WDR41: variants seen among roughly 807,000 people sequenced by gnomAD.
WDR41 encodes the protein WD repeat-containing protein 41.
WDR41 carries 63 observed loss-of-function variants against 69.3 expected under a neutral mutation model. The observed-to-expected ratio is 0.91, with a 90% CI of 0.74 to 1.12. The LOEUF is 1.12. WDR41 is among the 50% of genes most tolerant of loss of function. The pLI is 0.00. For missense variants in WDR41, 543 were observed against 534.5 expected (o/e 1.02, Z -0.16); for synonymous variants, 185 against 192.1 (o/e 0.96, Z 0.31).
At chr5:77,555,922 A>C (rs777615756) in intron 1 of WDR41, among the ~76,000 whole-genome samples, 23 of 152,092 alleles carry the variant, frequency 1.5e-4, no homozygotes, top group Non-Finnish European at 2.1e-4. Context: ...CTGAAGAAGA[A>C]AAACAGAAGG....
chr5:77,532,779 A>G (rs1742881561), intron 1 of WDR41, among the ~76,000 whole-genome samples: 1 of 152,152 alleles, frequency 6.6e-6, no homozygotes, highest in Admixed American at 6.6e-5. Context: ...TATACAGTAA[A>G]TATGAATTAT....
intron 5 of WDR41, among the ~76,000 whole-genome samples, chr5:77,457,733 T>C (rs1407248179): frequency 6.7e-6 from 1 of 148,846 alleles, no homozygotes; most frequent in Non-Finnish European, 1.5e-5. Context: ...ATTTCTCATA[T>C]TAGGGATATA....
intron 1 of WDR41, among the ~76,000 whole-genome samples, chr5:77,549,059 C>T (rs898427252): frequency 6.6e-6 from 1 of 150,960 alleles, no homozygotes; most frequent in Non-Finnish European, 1.5e-5. Context: ...CGTATGTTCT[C>T]GCTTATAGTG....
intron 1 of WDR41, among the ~76,000 whole-genome samples, chr5:77,619,385 A>C (rs909132358): frequency 6.6e-6 from 1 of 152,078 alleles, no homozygotes; most frequent in Admixed American, 6.5e-5. Context: ...CCTGAATCTG[A>C]TTCTCCCCAC....
intron 1 of WDR41, among the ~76,000 whole-genome samples, chr5:77,561,213 T>C (rs9632417): frequency 0.024 from 3,584 of 152,266 alleles, 48 homozygotes; most frequent in Non-Finnish European, 0.035. Flanking sequence ...CCTCCTCCCA[T>C]ATCAGTGTGA....
At chr5:77,581,498 C>T (rs6883749) in intron 1 of WDR41, among the ~76,000 whole-genome samples, 10 of 152,072 alleles carry the variant, frequency 6.6e-5, no homozygotes, top group African/African-American at 2.2e-4. Flanking sequence ...CTCTATAAAC[C>T]AACTACACAT....
intron 1 of WDR41, among the ~76,000 whole-genome samples, chr5:77,594,049 T>C (rs187165006): frequency 1.1e-3 from 166 of 152,192 alleles, no homozygotes; most frequent in African/African-American, 3.8e-3. Flanking sequence ...TAGATAGATA[T>C]AATTTTCAGG....
intron 2 of WDR41, among the ~76,000 whole-genome samples, chr5:77,465,940 G>A (rs1800286641): frequency 6.6e-6 from 1 of 151,864 alleles, no homozygotes; most frequent in Non-Finnish European, 1.5e-5. Flanking sequence ...CTTATCTTCA[G>A]TTTCAAAGTT....
chr5:77,545,612 T>C, intron 1 of WDR41: 1 of 359,296 alleles, frequency 2.8e-6, no homozygotes, highest in Non-Finnish European at 5.1e-6. Flanking sequence ...TCCCTGGAGA[T>C]CTATCTCTTC....
At chr5:77,513,198 C>G (rs1175939241) in intron 1 of WDR41, among the ~76,000 whole-genome samples, 1 of 152,070 alleles carries the variant, frequency 6.6e-6, no homozygotes, top group Non-Finnish European at 1.5e-5. Flanking sequence ...GTGTTAACTT[C>G]TGTTTAATGA....
chr5:77,540,880 A>G (rs1743076451), intron 1 of WDR41, among the ~76,000 whole-genome samples: 1 of 152,202 alleles, frequency 6.6e-6, no homozygotes, highest in South Asian at 2.1e-4. Flanking sequence ...TTTGATGACT[A>G]AAAGGAGAAT....
At chr5:77,493,519 C>G (rs1801888420), upstream of WDR41, among the ~76,000 whole-genome samples, 3 of 152,190 alleles carry the variant, frequency 2.0e-5, no homozygotes, top group South Asian at 6.2e-4. Flanking sequence ...CACAAACTTA[C>G]AGTCCCTCTG....
Position 77,620,269 on chromosome 5 carries a change from A to C in WDR41, c.42+210T>G, listed in dbSNP as rs1744756278. Among the ~76,000 whole-genome samples, 6 of 152,194 alleles carry C rather than the reference A, an allele frequency of 3.9e-5. No homozygotes were observed. In the South Asian group the frequency reaches 6.2e-4, roughly 16 times the overall value. ...TACTGCTTAAAAGTTCTTTTAATGAATTAAGATAAAAATATTCTTTCTATA... is the reference window on the plus strand; with the variant it reads ...TACTGCTTAAAAGTTCTTTTAATGACTTAAGATAAAAATATTCTTTCTATA... On this transcript the variant is annotated intron_variant, in intron 1 of 5. Transcript: ENST00000509971.
intron 1 of WDR41, among the ~76,000 whole-genome samples, chr5:77,544,953 G>A (rs1743164128): frequency 1.3e-5 from 2 of 151,976 alleles, no homozygotes; most frequent in African/African-American, 2.4e-5. Flanking sequence ...TAAGAAAATC[G>A]AAATTGTAAC....
intron 2 of WDR41, among the ~76,000 whole-genome samples, chr5:77,470,345 C>T (rs1280555396): frequency 2.0e-5 from 3 of 152,088 alleles, no homozygotes; most frequent in Non-Finnish European, 4.4e-5. Flanking sequence ...TAAAGACCAT[C>T]GAGGCTAGGA....
chr5:77,462,831 C>T (rs1800129074), intron 4 of WDR41, among the ~76,000 whole-genome samples: 1 of 152,156 alleles, frequency 6.6e-6, no homozygotes, highest in Non-Finnish European at 1.5e-5. Flanking sequence ...CCCATTTCAT[C>T]AATTTTATAC....
At chr5:77,532,064 T>G (rs73126009) in intron 1 of WDR41, among the ~76,000 whole-genome samples, 14,349 of 152,012 alleles carry the variant, frequency 0.094, 1,423 homozygotes, top group African/African-American at 0.25. Context: ...TGACTACTTG[T>G]GAATGTCACT....
At chr5:77,482,120 T>A (rs1801299577) in intron 2 of WDR41, among the ~76,000 whole-genome samples, 1 of 152,206 alleles carries the variant, frequency 6.6e-6, no homozygotes, top group African/African-American at 2.4e-5. Flanking sequence ...AAAAGCCACA[T>A]GTACTCATTG....
intron 1 of WDR41, among the ~76,000 whole-genome samples, chr5:77,614,643 T>A (rs1744639805): frequency 1.1e-5 from 1 of 87,386 alleles, no homozygotes; most frequent in Admixed American, 1.5e-4. Context: ...CTGGGGACTG[T>A]TGTGGGGTGG....
Sources: gnomAD v4.1 joint callset for allele counts (sites outside exome capture counted in the v4.1 genomes callset) on GRCh38, gnomAD v4.1.1 for gene constraint, MANE v1.5 for transcripts, NCBI Gene and HGNC (gene_info 2026-07-23, HGNC 2026-07-21) for gene names.